AGRN: variants seen among roughly 807,000 people sequenced by gnomAD.
The protein encoded by AGRN is agrin.
Under a neutral mutation model 211.0 loss-of-function variants are expected in AGRN, and 106 were observed. The observed-to-expected ratio is 0.50, with a 90% CI of 0.43 to 0.59. The LOEUF is 0.59. Among genes scored for constraint, AGRN ranks in the 20% least tolerant of loss-of-function variants. The probability of loss-of-function intolerance (pLI) is 0.00; values close to 1 mark genes in which losing one functional copy is unlikely to be tolerated. For missense variants in AGRN, 3,040 were observed against 2,982.6 expected, an observed-to-expected ratio of 1.02 and a Z score of -0.45; for synonymous variants, 1,525 against 1,332.5, an observed-to-expected ratio of 1.14 and a Z score of -3.15.
rs769659786 is a variant in AGRN, at chr1:1,022,263, C to T, written c.264C>T (p.Gly88=). The T allele has an allele frequency of 1.2e-5, 19 of 1,613,122 alleles. No homozygotes were observed. In the African/African-American group the frequency reaches 2.0e-4, roughly 17 times the overall value. Residue 88 remains glycine, a synonymous_variant, in exon 2 of 36, where the codon GGC becomes GGT. Coordinates refer to ENST00000379370, the MANE Select transcript of AGRN (RefSeq NM_198576.4). ...TGGCCCGGGAGAGCCTGCTGGACGGCGGCAACAAGGTGGTGATCAGCGGCT... is the reference window on the plus strand; with the variant it reads ...TGGCCCGGGAGAGCCTGCTGGACGGTGGCAACAAGGTGGTGATCAGCGGCT... The part of the protein sequence containing the change: ...DLVARESLLD[G]GNKVVISGFG...
chr1:1,051,534 T>A lies in AGRN; in HGVS notation c.5452T>A (p.Cys1818Ser). The A allele has an allele frequency of 6.4e-7, 1 of 1,566,550 alleles. No homozygotes were observed. ...CGTCACGTCCTTTGCAGGTCACCCCTGCACCCGGGCCTCAGGCCACCCCTG... is the reference window on the plus strand; with the variant it reads ...CGTCACGTCCTTTGCAGGTCACCCCAGCACCCGGGCCTCAGGCCACCCCTG... The part of the protein sequence containing the change: ...VDVTSFAGHP[C>S]TRASGHPCLN... The change falls in exon 32 of 36, where the codon TGC becomes AGC. Residue 1818 changes from cysteine to serine, a missense_variant. Coordinates refer to ENST00000379370, the MANE Select transcript of AGRN (RefSeq NM_198576.4).
intron 12 of AGRN, among the ~76,000 whole-genome samples, 198 bp from the exon 13 acceptor site, chr1:1,044,963 T>C (rs1303178906): frequency 6.6e-6 from 1 of 152,180 alleles, no homozygotes; most frequent in Non-Finnish European, 1.5e-5. Flanking sequence ...TGTTCCTGGA[T>C]CTGCATTTAC....
intron 2 of AGRN, chr1:1,034,925 G>T (rs1644764603): frequency 2.4e-6 from 1 of 420,470 alleles, no homozygotes; most frequent in Non-Finnish European, 4.3e-6. Context: ...GGGAGCTGGG[G>T]AGGGAGGGGC....
At chr1:1,053,544 T>A in intron 33 of AGRN, 2 of 1,527,540 alleles carry the variant, frequency 1.3e-6, no homozygotes, top group Non-Finnish European at 1.8e-6. Context: ...CCATCTGTCC[T>A]CCCGCCCGTC....
chr1:1,048,457 G>A lies in AGRN; in HGVS notation c.4105+92G>A. ...CTAAGCCACCATCAGGCTTTGAGTT[G>A]GGGGCAGGAGCCCGGATTAAGGCGG... On this transcript the variant is annotated intron_variant, in intron 23 of 35. Coordinates refer to ENST00000379370, the MANE Select transcript of AGRN (RefSeq NM_198576.4). This position sits in a 1 kb window ranked among gnomAD's most constrained non-coding sequence, Gnocchi z 5.9. 1 of 1,089,860 alleles carries A rather than the reference G, an allele frequency of 9.2e-7. No homozygotes were observed. Among genetic ancestry groups the A allele is most frequent in the Non-Finnish European group, 1.3e-6 (1 of 788,816 alleles). 67.5% of individuals were successfully genotyped at this position (1,089,860 alleles called of 1,614,324 possible).
chr1:1,041,411 C>T lies in AGRN; in HGVS notation c.952+14C>T. The T allele has an allele frequency of 1.3e-6, 2 of 1,542,708 alleles. No individual in the cohort carries two copies. Among genetic ancestry groups the T allele is most frequent in the African/African-American group, 1.4e-5 (1 of 73,566 alleles). On this transcript the variant is annotated intron_variant, in intron 5 of 35. Coordinates refer to ENST00000379370, the MANE Select transcript of AGRN (RefSeq NM_198576.4). ...ACGGCCCTTGTGGTGAGCGCGGCGG[C>T]GGGCGCACGGCTCGAGCTCTGTGGG...
In AGRN at chr1:1,048,467, G is replaced by A; in HGVS notation, c.4105+102G>A. The stretch of plus-strand genomic sequence containing the variant: ...ATCAGGCTTTGAGTTGGGGGCAGGA[G>A]CCCGGATTAAGGCGGGGTTTCGGCC... On this transcript the variant is annotated intron_variant, in intron 23 of 35. Transcript: ENST00000379370. The surrounding 1 kb of genome is among the most constrained non-coding windows in gnomAD (Gnocchi z 5.9). 1.9e-6 allele frequency: 2 copies of A among 1,046,162 alleles called. No individual in the cohort carries two copies. The highest frequency in any genetic ancestry group is 1.8e-5 in the South Asian group (1 of 56,030). 64.8% of individuals were successfully genotyped at this position (1,046,162 alleles called of 1,614,324 possible).
intron 2 of AGRN, chr1:1,034,940 G>C (rs559269544): frequency 2.5e-5 from 11 of 448,198 alleles, no homozygotes; most frequent in Non-Finnish European, 3.6e-5. Context: ...AGGGGCAGCC[G>C]GCTACACTGA....
At chr1:1,036,595 G>T (rs1470392477) in intron 3 of AGRN, among the ~76,000 whole-genome samples, 1 of 152,134 alleles carries the variant, frequency 6.6e-6, no homozygotes, top group African/African-American at 2.4e-5. Context: ...TGGGCCTGGG[G>T]TGAGGAGCTG....
chr1:1,051,407 G>A (rs766498474), intron 31 of AGRN, 38 bp downstream of exon 31: 37 of 1,543,960 alleles, frequency 2.4e-5, no homozygotes, highest in Non-Finnish European at 3.0e-5. Flanking sequence ...GGCCTCCGGG[G>A]CGGGCGGGGT....
intron 2 of AGRN, among the ~76,000 whole-genome samples, chr1:1,024,048 G>A (rs1644466661): frequency 1.3e-5 from 2 of 152,150 alleles, no homozygotes; most frequent in South Asian, 4.1e-4. Context: ...TCATGGGAGG[G>A]GCCTTGCAGG....
intron 2 of AGRN, chr1:1,034,542 C>T (rs1401350605): frequency 7.1e-6 from 7 of 986,206 alleles, no homozygotes; most frequent in African/African-American, 1.7e-5. Context: ...GGCGCAGAGC[C>T]GGAGCCCCGG....
chr1:1,040,963 A>G (rs1295123975), intron 4 of AGRN, 83 bp downstream of exon 4: 5 of 270,608 alleles, frequency 1.8e-5, no homozygotes, highest in Non-Finnish European at 2.6e-5. Flanking sequence ...CTTCGGGGCC[A>G]GTGGGGCGGG....
At chr1:1,053,184 T>G in intron 33 of AGRN, 1 of 308,324 alleles carries the variant, frequency 3.2e-6, no homozygotes, top group East Asian at 9.8e-5. Flanking sequence ...CCCTGCTGTC[T>G]GCACGTGGGT....
At chr1:1,054,614 C>G in intron 35 of AGRN, 63 bp downstream of exon 35, 1 of 1,535,514 alleles carries the variant, frequency 6.5e-7, no homozygotes, top group Non-Finnish European at 8.8e-7. Context: ...GAGGGACAGA[C>G]TCCACCCCCC....
At position 1,055,252 on chromosome 1, in the gene AGRN, G is replaced by A. The variant is rs1416625573; in HGVS notation, c.*271G>A. ...CCGCCTTGCACTGCGCCTGCCCCAC[G>A]GTGTCCCCGCCGGGAAGCAGCCCCG... is the stretch of plus-strand genomic sequence containing the variant. On this transcript the variant is annotated 3_prime_UTR_variant, in exon 36 of 36. Transcript: ENST00000379370. 12 of 517,926 alleles carry A rather than the reference G, an allele frequency of 2.3e-5. No individual in the cohort carries two copies. Among genetic ancestry groups the A allele is most frequent in the East Asian group, 3.6e-5 (1 of 27,518 alleles). The allele number at this position is 517,926 out of a possible 1,614,324, so 32.1% of individuals were successfully genotyped here. A position where few individuals can be genotyped will look rare whatever the true frequency, so the allele number is the denominator to read the frequency against.
intron 33 of AGRN, chr1:1,052,644 T>C (rs2100694506): frequency 5.7e-6 from 1 of 176,760 alleles, no homozygotes. Context: ...CATGCATGTG[T>C]GTGTCCGTGT....
intron 33 of AGRN, chr1:1,052,921 C>G (rs1281078995): frequency 6.1e-6 from 1 of 163,442 alleles, no homozygotes; most frequent in African/African-American, 2.4e-5. Context: ...CGTGTATATG[C>G]GTGTATATAT....
chr1:1,046,834 G>A lies in AGRN; in HGVS notation c.3265G>A (p.Glu1089Lys). 6.3e-7 allele frequency: 1 copy of A among 1,585,744 alleles called. No individual in the cohort carries two copies. The highest frequency in any genetic ancestry group is 8.6e-7 in the Non-Finnish European group (1 of 1,169,132). Reference sequence around the variant, plus strand: ...CGTCTCCCCAGGGCTCGAGCCCTTGGAGGGCAGCAGCGTGGCCACCCCTGG... The same window carrying A: ...CGTCTCCCCAGGGCTCGAGCCCTTGAAGGGCAGCAGCGTGGCCACCCCTGG... Reference protein sequence around the residue: ...GGGSGGLEPLEGSSVATPGPP... With the variant: ...GGGSGGLEPLKGSSVATPGPP... Residue 1089 changes from glutamate to lysine, a missense_variant, in exon 19 of 36, where the codon GAG (glutamate) becomes AAG (lysine). Glu to Lys is a moderately conservative substitution (Grantham distance 56). Transcript: ENST00000379370.
Sources: allele counts gnomAD v4.1 joint callset (sites outside exome capture counted in the v4.1 genomes callset), GRCh38; gene constraint gnomAD v4.1.1; non-coding constraint Gnocchi (gnomAD v3.1); transcripts MANE v1.5; gene names NCBI Gene and HGNC (gene_info 2026-07-23, HGNC 2026-07-21).